The following PTPRD variants were observed in gnomAD, a reference collection of about 807,000 sequenced individuals.
PTPRD encodes the protein protein tyrosine phosphatase receptor type D.
A neutral mutation model predicts 214.5 loss-of-function variants in PTPRD; 34 were observed. That is an observed-to-expected ratio of 0.16 (90% CI 0.12 to 0.21). The LOEUF (loss-of-function observed/expected upper bound fraction) is 0.21, where lower values mean the gene tolerates loss of function less well. Among genes scored for constraint, PTPRD ranks in the 10% least tolerant of loss-of-function variants. The pLI is 1.00. For synonymous variants in PTPRD, 1,128 were observed against 845.7 expected (o/e 1.33, Z -5.79); for missense variants, 2,545 against 2,398.7 (o/e 1.06, Z -1.27).
chr9:9,233,247 G>A (rs1160688667), intron 9 of PTPRD, among the ~76,000 whole-genome samples: 1 of 152,156 alleles, frequency 6.6e-6, no homozygotes, highest in Non-Finnish European at 1.5e-5. Flanking sequence ...GAGAGAATGA[G>A]TGCCAAGCAA....
intron 9 of PTPRD, among the ~76,000 whole-genome samples, chr9:9,368,208 G>A (rs1378535463): frequency 2.0e-5 from 3 of 151,432 alleles, no homozygotes; most frequent in Non-Finnish European, 2.9e-5. Context: ...TATTAACCAA[G>A]TGACCCTAGT....
At chr9:9,962,912 A>C (rs2094457099) in intron 4 of PTPRD, among the ~76,000 whole-genome samples, 1 of 152,078 alleles carries the variant, frequency 6.6e-6, no homozygotes, top group African/African-American at 2.4e-5. Flanking sequence ...AGAATGAATA[A>C]ACTTACGTCA....
intron 2 of PTPRD, among the ~76,000 whole-genome samples, chr9:10,575,823 G>C (rs1400568520): frequency 6.6e-6 from 1 of 151,880 alleles, no homozygotes; most frequent in African/African-American, 2.4e-5. Flanking sequence ...TCTCCCTAGG[G>C]GTTCCAACAT....
chr9:9,033,213 G>A (rs1288432296), intron 10 of PTPRD, among the ~76,000 whole-genome samples: 1 of 152,104 alleles, frequency 6.6e-6, no homozygotes, highest in Non-Finnish European at 1.5e-5. Flanking sequence ...TTTTCCCACA[G>A]TGCATCCCTT....
At chr9:10,342,930 T>C (rs1452298516) in intron 2 of PTPRD, among the ~76,000 whole-genome samples, 1 of 152,132 alleles carries the variant, frequency 6.6e-6, no homozygotes, top group Non-Finnish European at 1.5e-5. Context: ...AAATATAAAG[T>C]ATCTTCTCCA....
chr9:8,799,151 CTTCTCTTTCAAAT>C (rs2096516853), intron 11 of PTPRD, among the ~76,000 whole-genome samples: 1 of 152,154 alleles, frequency 6.6e-6, no homozygotes, highest in Non-Finnish European at 1.5e-5. Context: ...CTATAAGAAA[CTTCTCTTTCAAAT>C]TTGTCTGTTT....
chr9:10,555,911 T>A (rs959653783), intron 2 of PTPRD, among the ~76,000 whole-genome samples: 1 of 151,950 alleles, frequency 6.6e-6, no homozygotes, highest in Non-Finnish European at 1.5e-5. Flanking sequence ...GGCAGAAGAA[T>A]AAAGAGCGTG....
chr9:9,303,850 G>T (rs1355228952), intron 9 of PTPRD, among the ~76,000 whole-genome samples: 1 of 152,118 alleles, frequency 6.6e-6, no homozygotes, highest in Non-Finnish European at 1.5e-5. Context: ...GCCCTTGTTT[G>T]TAGATTATCT....
chr9:8,756,680 G>A lies in PTPRD; in HGVS notation c.-103-22734C>T, dbSNP rs1464469612. Reference sequence around the variant, plus strand: ...TAGGAATTTCCAAGGTACTTATACAGGCAAGTGAAAGGAGGTAAAAATCCC... The same window carrying A: ...TAGGAATTTCCAAGGTACTTATACAAGCAAGTGAAAGGAGGTAAAAATCCC... On this transcript the variant is annotated intron_variant, in intron 11 of 45. Coordinates refer to ENST00000381196, the MANE Select transcript of PTPRD (RefSeq NM_002839.4). Among the ~76,000 whole-genome samples, 3 of 152,070 alleles carry A rather than the reference G, an allele frequency of 2.0e-5. No homozygotes were observed. In the East Asian group the frequency reaches 5.8e-4, roughly 29 times the overall value.
At chr9:9,724,962 G>T (rs911889690) in intron 7 of PTPRD, among the ~76,000 whole-genome samples, 2 of 152,208 alleles carry the variant, frequency 1.3e-5, no homozygotes, top group East Asian at 1.9e-4. Context: ...TGGGAGACTC[G>T]CAGAGTTTAT....
intron 33 of PTPRD, among the ~76,000 whole-genome samples, chr9:8,450,682 C>A (rs2095902299): frequency 6.6e-6 from 1 of 152,126 alleles, no homozygotes; most frequent in Admixed American, 6.5e-5. Flanking sequence ...CATTTAAGCT[C>A]TCATTATGTA....
At chr9:8,643,813 C>G (rs1305923261) in intron 12 of PTPRD, among the ~76,000 whole-genome samples, 1 of 152,240 alleles carries the variant, frequency 6.6e-6, no homozygotes. Flanking sequence ...TCAGGGCCTG[C>G]AGATGCCCCT....
chr9:9,559,036 G>C (rs529075534), intron 8 of PTPRD, among the ~76,000 whole-genome samples: 54 of 152,268 alleles, frequency 3.5e-4, no homozygotes, highest in African/African-American at 1.3e-3. Context: ...TTCCAGTCCG[G>C]GGGGGTAGCT....
chr9:9,174,926 C>T (rs1479610511), intron 10 of PTPRD, among the ~76,000 whole-genome samples: 2 of 151,606 alleles, frequency 1.3e-5, no homozygotes, highest in African/African-American at 4.9e-5. Context: ...TGAAGTGGGG[C>T]CATTGAAAGG....
chr9:10,414,057 T>C (rs1009861125), intron 2 of PTPRD, among the ~76,000 whole-genome samples: 2 of 151,950 alleles, frequency 1.3e-5, no homozygotes, highest in Non-Finnish European at 2.9e-5. Flanking sequence ...AAAGATTTCA[T>C]GACTAAGATG....
At chr9:8,373,662 CTCAAA>C (rs2082222675) in intron 39 of PTPRD, among the ~76,000 whole-genome samples, 1 of 143,072 alleles carries the variant, frequency 7.0e-6, no homozygotes, top group Non-Finnish European at 1.5e-5. Flanking sequence ...TGTGTATTTT[CTCAAA>C]ATAAGGCATT....
intron 8 of PTPRD, among the ~76,000 whole-genome samples, chr9:9,533,962 T>C (rs1476116361): frequency 6.6e-6 from 1 of 152,076 alleles, no homozygotes; most frequent in Non-Finnish European, 1.5e-5. Flanking sequence ...TTATATGATG[T>C]GTCAAGCTCA....
At chr9:8,747,518 A>T (rs1352976325) in intron 11 of PTPRD, among the ~76,000 whole-genome samples, 1 of 152,164 alleles carries the variant, frequency 6.6e-6, no homozygotes, top group Non-Finnish European at 1.5e-5. Context: ...GGAACCGCCA[A>T]GCAGATATTA....
At chr9:10,119,448 G>C (rs779199779) in intron 3 of PTPRD, among the ~76,000 whole-genome samples, 4 of 151,880 alleles carry the variant, frequency 2.6e-5, no homozygotes, top group Admixed American at 1.3e-4. Context: ...TTCTAATTTA[G>C]TACATGAAAA....
Sources: gnomAD v4.1 joint callset for allele counts (sites outside exome capture counted in the v4.1 genomes callset) on GRCh38, gnomAD v4.1.1 for gene constraint, MANE v1.5 for transcripts, NCBI Gene and HGNC (gene_info 2026-07-23, HGNC 2026-07-21) for gene names.